PTK2B: variants seen among roughly 807,000 people sequenced by gnomAD.
PTK2B encodes protein tyrosine kinase 2 beta.
Under a neutral mutation model 142.9 loss-of-function variants are expected in PTK2B, and 71 were observed. The observed-to-expected ratio is 0.50, with a 90% confidence interval of 0.41 to 0.61. The LOEUF is 0.61. PTK2B is among the 20% of genes least tolerant of loss of function. PTK2B has a pLI of 0.00. For missense variants in PTK2B, 1,105 were observed against 1,320.4 expected (o/e 0.84, Z 2.53); for synonymous variants, 519 against 503.4 (o/e 1.03, Z -0.42).
intron 2 of PTK2B, among the ~76,000 whole-genome samples, chr8:27,417,897 G>A (rs570283374): frequency 6.6e-6 from 1 of 152,120 alleles, no homozygotes; most frequent in Admixed American, 6.5e-5. Flanking sequence ...GTGACGTGGG[G>A]GCTCTGAGTA....
At chr8:27,434,361 C>A in intron 12 of PTK2B, 152 bp from the exon 13 acceptor site, 6 of 1,032,084 alleles carry the variant, frequency 5.8e-6, no homozygotes, top group Middle Eastern at 3.1e-4. Context: ...CAACTCCAGC[C>A]CCCAGCAGCC....
intron 2 of PTK2B, among the ~76,000 whole-genome samples, chr8:27,410,775 G>C (rs1240710167): frequency 2.6e-5 from 4 of 152,162 alleles, no homozygotes; most frequent in African/African-American, 9.7e-5. Flanking sequence ...CAAGCCATCC[G>C]GTCCTGTTGC....
At chr8:27,420,791 A>G (rs1809698316) in intron 4 of PTK2B, 47 bp downstream of exon 4, 1 of 1,507,780 alleles carries the variant, frequency 6.6e-7, no homozygotes, top group African/African-American at 1.4e-5. Flanking sequence ...ATTACACCTC[A>G]AATGCCAAGC....
At chr8:27,366,799 T>C (rs947494282) in intron 1 of PTK2B, among the ~76,000 whole-genome samples, 1 of 150,702 alleles carries the variant, frequency 6.6e-6, no homozygotes, top group Non-Finnish European at 1.5e-5. Flanking sequence ...TGTTTGTGGC[T>C]GTGTGGCTGT....
intron 5 of PTK2B, among the ~76,000 whole-genome samples, chr8:27,427,912 G>C (rs1810183880): frequency 6.6e-6 from 1 of 152,154 alleles, no homozygotes; most frequent in African/African-American, 2.4e-5. Flanking sequence ...ATGCACCCTG[G>C]TTGGGGTGGG....
intron 2 of PTK2B, among the ~76,000 whole-genome samples, chr8:27,419,188 G>A (rs880991): frequency 0.036 from 5,552 of 152,302 alleles, 147 homozygotes; most frequent in Non-Finnish European, 0.055. Flanking sequence ...ATTAACCTCC[G>A]GTTAACAAGA....
chr8:27,322,330 T>C (rs1355661334), upstream of PTK2B: 1 of 152,228 alleles, frequency 6.6e-6, no homozygotes, highest in Admixed American at 6.5e-5. Context: ...TGGGTTTTGC[T>C]CTTTACCACC....
At chr8:27,397,323 G>T in intron 1 of PTK2B, 3 of 508,278 alleles carry the variant, frequency 5.9e-6, no homozygotes, top group East Asian at 3.5e-5. Context: ...ACCCCTGGGA[G>T]CCCCAAGTCT....
At chr8:27,314,156 C>T (rs1020670517) in intron 3 of PTK2B, among the ~76,000 whole-genome samples, 5 of 152,326 alleles carry the variant, frequency 3.3e-5, no homozygotes, top group South Asian at 2.1e-4. Flanking sequence ...TAGCTCATAC[C>T]CTTTTGTTCA....
At chr8:27,359,970 A>T (rs1586157352) in intron 1 of PTK2B, among the ~76,000 whole-genome samples, 2 of 152,202 alleles carry the variant, frequency 1.3e-5, no homozygotes. Context: ...GGTGGCCTCC[A>T]TAGCTTTAGT....
At chr8:27,316,628 C>G (rs74633093) in intron 3 of PTK2B, among the ~76,000 whole-genome samples, 1 of 152,214 alleles carries the variant, frequency 6.6e-6, no homozygotes, top group Non-Finnish European at 1.5e-5. Flanking sequence ...CAGACATAAT[C>G]GACCTTGTTC....
chr8:27,312,896 TAGA>T (rs1380729188), intron 2 of PTK2B, among the ~76,000 whole-genome samples: 1 of 152,136 alleles, frequency 6.6e-6, no homozygotes, highest in Non-Finnish European at 1.5e-5. Context: ...CTGTTAGGGG[TAGA>T]AGGTGTCTGA....
intron 2 of PTK2B, among the ~76,000 whole-genome samples, chr8:27,409,370 G>T (rs902710503): frequency 2.0e-5 from 3 of 152,134 alleles, no homozygotes; most frequent in Non-Finnish European, 2.9e-5. Context: ...GCATAACAGG[G>T]AGCTCACCAG....
At chr8:27,342,820 TC>T in intron 1 of PTK2B, among the ~76,000 whole-genome samples, 1 of 152,316 alleles carries the variant, frequency 6.6e-6, no homozygotes, top group African/African-American at 2.4e-5. Flanking sequence ...GGCTCCTTTA[TC>T]CCCCCTCAGT....
intron 5 of PTK2B, among the ~76,000 whole-genome samples, chr8:27,422,886 G>C (rs554431328): frequency 6.6e-6 from 1 of 152,114 alleles, no homozygotes; most frequent in Non-Finnish European, 1.5e-5. Context: ...ATCATAATAC[G>C]AGGCAGAATG....
chr8:27,417,920 G>A (rs1371080629), intron 2 of PTK2B, among the ~76,000 whole-genome samples: 3 of 152,280 alleles, frequency 2.0e-5, no homozygotes, highest in Admixed American at 6.5e-5. Context: ...GCATTATTCC[G>A]GATGACAGTG....
At chr8:27,402,014 C>T (rs1041358276) in intron 2 of PTK2B, among the ~76,000 whole-genome samples, 8 of 152,058 alleles carry the variant, frequency 5.3e-5, no homozygotes, top group Admixed American at 2.6e-4. Flanking sequence ...CTCAAAAGAA[C>T]CCAATAAAGC....
chr8:27,453,155 G>A lies in PTK2B; in HGVS notation c.2590G>A (p.Ala864Thr), dbSNP rs753976890. The A allele has an allele frequency of 1.7e-5, 27 of 1,614,130 alleles. No homozygotes were observed. Among genetic ancestry groups the A allele is most frequent in the Admixed American group, 1.2e-4 (7 of 60,026 alleles). The stretch of plus-strand genomic sequence containing the variant: ...CCCACAGAAGCCCCCGAGGCTGGGC[G>A]CACAGGTATGTGTTGGCTCTGCTGA... ...GPPQKPPRLG[A>T]QSIQPTANLD... The change falls in exon 28 of 31, where the codon GCA becomes ACA. Residue 864 changes from alanine to threonine, a missense_variant. By Grantham distance (58) the Ala-to-Thr change is moderately conservative. Transcript: ENST00000346049.
intron 1 of PTK2B, among the ~76,000 whole-genome samples, chr8:27,333,150 G>A (rs79827124): frequency 1.3e-5 from 2 of 152,324 alleles, no homozygotes; most frequent in Admixed American, 6.5e-5. Context: ...GATGGTGGCT[G>A]TAGTCAAAGA....
Sources: allele counts gnomAD v4.1 joint callset (sites outside exome capture counted in the v4.1 genomes callset), GRCh38; gene constraint gnomAD v4.1.1; transcripts MANE v1.5; gene names NCBI Gene and HGNC (gene_info 2026-07-23, HGNC 2026-07-21).